GRPEL1: variants seen among roughly 807,000 people sequenced by gnomAD.
GRPEL1 encodes the protein GrpE like 1, mitochondrial.
Under a neutral mutation model 22.1 loss-of-function variants are expected in GRPEL1, and 13 were observed. That is an observed-to-expected ratio of 0.59 (90% confidence interval 0.38 to 0.94). GRPEL1 has a LOEUF of 0.94. Ranked by LOEUF, GRPEL1 falls within the 40% of genes least tolerant of loss-of-function variation. The pLI is 0.00. For missense variants in GRPEL1, 289 were observed against 264.6 expected (o/e 1.09, Z -0.64); for synonymous variants, 109 against 105.3 (o/e 1.03, Z -0.21).
At chr4:7,063,942 A>G in intron 2 of GRPEL1, 119 bp downstream of exon 2, 1 of 1,183,406 alleles carries the variant, frequency 8.5e-7, no homozygotes, top group Non-Finnish European at 1.2e-6. Context: ...ACTGCAGGCC[A>G]TGGACAACGG....
chr4:7,063,563 T>C (rs540868317), intron 2 of GRPEL1, among the ~76,000 whole-genome samples: 2 of 152,316 alleles, frequency 1.3e-5, no homozygotes, highest in African/African-American at 4.8e-5. Context: ...TGTAACGGGT[T>C]TGGAATGGTG....
chr4:7,061,273 G>A (rs1724036115), intron 3 of GRPEL1, 65 bp from the exon 4 acceptor site: 6 of 1,320,036 alleles, frequency 4.5e-6, no homozygotes, highest in Non-Finnish European at 5.3e-6. Flanking sequence ...TCCAAACTGA[G>A]CACTGCTGAC....
At chr4:7,064,848 A>AT (rs1724130044) in intron 1 of GRPEL1, among the ~76,000 whole-genome samples, 1 of 152,048 alleles carries the variant, frequency 6.6e-6, no homozygotes, top group East Asian at 1.9e-4. Flanking sequence ...AAGCTACAGT[A>AT]TGGTGGCACA....
At chr4:7,063,661 T>C (rs966206469) in intron 2 of GRPEL1, among the ~76,000 whole-genome samples, 7 of 152,238 alleles carry the variant, frequency 4.6e-5, no homozygotes, top group African/African-American at 1.4e-4. Flanking sequence ...TAATAATCCA[T>C]GTTACTAGTT....
intron 1 of GRPEL1, among the ~76,000 whole-genome samples, chr4:7,065,271 T>C (rs1724137529): frequency 6.6e-6 from 1 of 152,184 alleles, no homozygotes; most frequent in South Asian, 2.1e-4. Context: ...TCCCAGCACT[T>C]AGGGAGGCCA....
intron 2 of GRPEL1, among the ~76,000 whole-genome samples, chr4:7,063,199 C>T (rs748101105): frequency 5.9e-5 from 9 of 151,936 alleles, no homozygotes; most frequent in Non-Finnish European, 1.3e-4. Context: ...AAGCAATTCT[C>T]CCACCTCAGC....
In GRPEL1 at chr4:7,064,181, GTTCTT is replaced by G. The variant is rs1724105828; in HGVS notation, c.100_104del (p.Lys34GlnfsTer13). On this transcript the variant is annotated frameshift_variant, in exon 2 of 4. Transcript: ENST00000264954. LOFTEE classifies it high-confidence loss of function. ...TGTCCTCTTCCAGGTTCTGGCCACTGTTCTTTTGTTTCGTGGCTGTGCACAACAAC... is the reference window on the plus strand; with the variant it reads ...TGTCCTCTTCCAGGTTCTGGCCACTGTTGTTTCGTGGCTGTGCACAACAAC... The G allele has an allele frequency of 6.2e-7, 1 of 1,614,092 alleles. No homozygotes were observed. Among genetic ancestry groups the G allele is most frequent in the Non-Finnish European group, 8.5e-7 (1 of 1,179,990 alleles).
rs924549436 is a variant in GRPEL1 at position 7,061,026 on chromosome 4, T to A, written c.490A>T (p.Asn164Tyr). Residue 164 changes from asparagine to tyrosine, a missense_variant, in exon 4 of 4, where the codon AAC (asparagine) becomes TAC (tyrosine). Coordinates refer to ENST00000264954, the MANE Select transcript of GRPEL1 (RefSeq NM_025196.4). The stretch of plus-strand genomic sequence containing the variant: ...GGGTCGAACTTGGCTCCGACAGGGT[T>A]CAACTTGAGCAAGCCATGCTTTGTG... The part of the protein sequence containing the change: ...VFTKHGLLKL[N>Y]PVGAKFDPYE... 6.2e-7 allele frequency: 1 copy of A among 1,614,220 alleles called. No homozygotes were observed. The highest frequency in any genetic ancestry group is 8.5e-7 in the Non-Finnish European group (1 of 1,180,050).
chr4:7,062,938 A>C (rs1311016180), intron 2 of GRPEL1, among the ~76,000 whole-genome samples: 2 of 152,212 alleles, frequency 1.3e-5, no homozygotes, highest in African/African-American at 4.8e-5. Flanking sequence ...TAAGGAGGGC[A>C]GCTTAATGAA....
rs1216391484 is a variant in GRPEL1 at position 7,059,675 on chromosome 4, A to G, written c.*1187T>C. 6.6e-6 allele frequency: 1 copy of G among 152,268 alleles called. No homozygotes were observed. Among genetic ancestry groups the G allele is most frequent in the African/African-American group, 2.4e-5 (1 of 41,482 alleles). The allele number at this position is 152,268 out of a possible 1,614,324, so 9.4% of individuals were successfully genotyped here. A position where few individuals can be genotyped will look rare whatever the true frequency, so the allele number is the denominator to read the frequency against. On this transcript the variant is annotated 3_prime_UTR_variant, in exon 4 of 4. Coordinates refer to ENST00000264954, the MANE Select transcript of GRPEL1 (RefSeq NM_025196.4). ...TGTGCAGCAAATGGCTTTCACAAGT[A>G]TCTTCCATTCTAGAAGCAAAGGCAG...
Position 7,060,759 on chromosome 4 carries a change from A to G in GRPEL1, c.*103T>C, listed in dbSNP as rs1724021679. 1.2e-5 allele frequency: 13 copies of G among 1,072,468 alleles called. No homozygotes were observed. The highest frequency in any genetic ancestry group is 4.6e-5 in the Admixed American group (2 of 43,104). The allele number at this position is 1,072,468 out of a possible 1,614,324, so 66.4% of individuals were successfully genotyped here. ...CCACTGGTTACTTAAGGTTTCCAATAAGGTTTGGGAAAAGGTCACACGTAC... is the reference window on the plus strand; with the variant it reads ...CCACTGGTTACTTAAGGTTTCCAATGAGGTTTGGGAAAAGGTCACACGTAC... On this transcript the variant is annotated 3_prime_UTR_variant, in exon 4 of 4. Coordinates refer to ENST00000264954, the MANE Select transcript of GRPEL1 (RefSeq NM_025196.4).
intron 1 of GRPEL1, chr4:7,067,574 G>C: frequency 3.9e-6 from 1 of 253,486 alleles, no homozygotes; most frequent in Non-Finnish European, 7.6e-6. Flanking sequence ...GACAAAGCTC[G>C]AGCTTCTTTG....
chr4:7,065,807 T>C (rs1440330491), intron 1 of GRPEL1, among the ~76,000 whole-genome samples: 1 of 150,348 alleles, frequency 6.7e-6, no homozygotes, highest in Non-Finnish European at 1.5e-5. Flanking sequence ...CAACGAATGA[T>C]AAAATAAAGT....
In GRPEL1 at chr4:7,062,424, G is replaced by T; in HGVS notation, c.268C>A (p.Gln90Lys). The part of the protein sequence containing the change: ...RALADTENLR[Q>K]RSQKLVEEAK... Reference sequence around the variant, plus strand: ...TCCTCCACCAATTTCTGGCTCCTCTGCCGTAAGTTCTCAGTGTCTGCCAAA... The same window carrying T: ...TCCTCCACCAATTTCTGGCTCCTCTTCCGTAAGTTCTCAGTGTCTGCCAAA... The change falls in exon 3 of 4, where the codon CAG (glutamine) becomes AAG (lysine). Residue 90 changes from glutamine to lysine, a missense_variant. Gln to Lys is a moderately conservative substitution (Grantham distance 53). Coordinates refer to ENST00000264954, the MANE Select transcript of GRPEL1 (RefSeq NM_025196.4). The T allele has an allele frequency of 6.3e-7, 1 of 1,597,400 alleles. No individual in the cohort carries two copies. The highest frequency in any genetic ancestry group is 8.5e-7 in the Non-Finnish European group (1 of 1,169,750).
rs1724031818 is a variant in GRPEL1 at position 7,061,128 on chromosome 4, T to C, written c.388A>G (p.Ile130Val). 3 of 1,614,212 alleles carry C rather than the reference T, an allele frequency of 1.9e-6. No individual in the cohort carries two copies. The highest frequency in any genetic ancestry group is 2.7e-5 in the African/African-American group (2 of 75,056). ...KATQCVPKEE[I>V]KDDNPHLKNL... ...TTCAGGTGAGGGTTATCGTCTTTAATTTCTTCTTTTGGAACACACTGTGTT... is the reference window on the plus strand; with the variant it reads ...TTCAGGTGAGGGTTATCGTCTTTAACTTCTTCTTTTGGAACACACTGTGTT... Residue 130 changes from isoleucine to valine, a missense_variant, in exon 4 of 4, where the codon ATT becomes GTT. Coordinates refer to ENST00000264954, the MANE Select transcript of GRPEL1 (RefSeq NM_025196.4).
At position 7,064,148 on chromosome 4, in the gene GRPEL1, C is replaced by A. The variant is rs914220754; in HGVS notation, c.138G>T (p.Gln46His). The A allele has an allele frequency of 1.1e-5, 17 of 1,614,114 alleles. No homozygotes were observed. In the African/African-American group the frequency reaches 1.3e-4, roughly 13 times the overall value. Residue 46 changes from glutamine to histidine, a missense_variant, in exon 2 of 4, where the codon CAG (glutamine) becomes CAT (histidine). Coordinates refer to ENST00000264954, the MANE Select transcript of GRPEL1 (RefSeq NM_025196.4). ...CAGGAGGATCTGCCTTCTGTTCACT[C>A]TGACCCATGTCCTCTTCCAGGTTCT... The part of the protein sequence containing the change: ...SGQNLEEDMG[Q>H]SEQKADPPAT...
At chr4:7,065,276 A>C (rs1438441089) in intron 1 of GRPEL1, among the ~76,000 whole-genome samples, 2 of 152,248 alleles carry the variant, frequency 1.3e-5, no homozygotes, top group African/African-American at 4.8e-5. Flanking sequence ...GCACTTAGGG[A>C]GGCCAAAGCA....
chr4:7,062,493 TATATA>T (rs376145748), intron 2 of GRPEL1, 27 bp from the exon 3 acceptor site: 489,868 of 695,158 alleles, frequency 0.7, 166,251 homozygotes, highest in Non-Finnish European at 0.73. Flanking sequence ...GGGATATTTA[TATATA>T]TATATATATA....
At chr4:7,061,304 T>A in intron 3 of GRPEL1, 96 bp from the exon 4 acceptor site, 1 of 932,632 alleles carries the variant, frequency 1.1e-6, no homozygotes, top group Non-Finnish European at 1.6e-6. Context: ...GGCTATTTAG[T>A]AACTTGTCAA....
Sources: gnomAD v4.1 joint callset for allele counts (sites outside exome capture counted in the v4.1 genomes callset) on GRCh38, gnomAD v4.1.1 for gene constraint, MANE v1.5 for transcripts, NCBI Gene and HGNC (gene_info 2026-07-23, HGNC 2026-07-21) for gene names.